Variants in AGAP1 observed in about 807,000 individuals in gnomAD.
AGAP1 encodes the protein arf-GAP with GTPase, ANK repeat and PH domain-containing protein 1.
A neutral mutation model predicts 105.3 loss-of-function variants in AGAP1; 29 were observed. The observed-to-expected ratio is 0.28, with a 90% CI of 0.21 to 0.38. The LOEUF (loss-of-function observed/expected upper bound fraction) is 0.38. AGAP1 is among the 10% of genes least tolerant of loss of function. AGAP1 has a pLI of 1.00. For synonymous variants in AGAP1, 509 were observed against 485.9 expected, an observed-to-expected ratio of 1.05 and a Z score of -0.63; for missense variants, 998 against 1,165.1, an observed-to-expected ratio of 0.86 and a Z score of 2.09.
chr2:235,857,432 C>A (rs894358124), intron 9 of AGAP1, among the ~76,000 whole-genome samples: 6 of 152,186 alleles, frequency 3.9e-5, no homozygotes, highest in African/African-American at 1.4e-4. Context: ...TGACGAGCGT[C>A]CCCAAGGAGA....
intron 9 of AGAP1, among the ~76,000 whole-genome samples, chr2:235,823,939 G>GC (rs1440601428): frequency 2.0e-5 from 3 of 152,156 alleles, no homozygotes; most frequent in Non-Finnish European, 2.9e-5. Context: ...AGATGAGAAA[G>GC]CTGAGGCTCG....
chr2:235,978,196 A>G (rs533644063), intron 13 of AGAP1, among the ~76,000 whole-genome samples: 1 of 152,192 alleles, frequency 6.6e-6, no homozygotes, highest in Non-Finnish European at 1.5e-5. Context: ...GAGCTACAAC[A>G]TGTGAATTTT....
In AGAP1 at chr2:236,090,537, A is replaced by T. The variant is rs1187996655; in HGVS notation, c.2115-29655A>T. Among the ~76,000 whole-genome samples the T allele has an allele frequency of 1.3e-5, 2 of 152,190 alleles. No homozygotes were observed. Among genetic ancestry groups the T allele is most frequent in the Non-Finnish European group, 2.9e-5 (2 of 68,034 alleles). ...ATGGAAAAGCAAACGGGCTTTGCCA[A>T]GCGAGTGAGAGGCGGGGGTCGGAGG... On this transcript the variant is annotated intron_variant, in intron 16 of 17. Coordinates refer to ENST00000304032, the MANE Select transcript of AGAP1 (RefSeq NM_001037131.3). This position sits in a 1 kb window ranked among gnomAD's most constrained non-coding sequence, Gnocchi z 4.3.
rs72985016 is a variant in AGAP1 at position 235,843,016 on chromosome 2, C to T, written c.1050+35685C>T. 5.3e-4 allele frequency among the ~76,000 whole-genome samples: 81 copies of T among 152,336 alleles called. No individual in the cohort carries two copies. Among genetic ancestry groups the T allele is most frequent in the South Asian group, 8.3e-4 (4 of 4,822 alleles). On this transcript the variant is annotated intron_variant, in intron 9 of 17. Transcript: ENST00000304032. This position sits in a 1 kb window ranked among gnomAD's most constrained non-coding sequence, Gnocchi z 5.9. The stretch of plus-strand genomic sequence containing the variant: ...TGCTGGAGTTACAGGCGTTAGCTGC[C>T]GTGCCCGGCCCGTGTGAGATTTGAT...
chr2:235,594,893 T>TG (rs1559275726), intron 1 of AGAP1, among the ~76,000 whole-genome samples: 1 of 150,956 alleles, frequency 6.6e-6, no homozygotes, highest in Non-Finnish European at 1.5e-5. Flanking sequence ...GTTTTTTTTT[T>TG]TTTTTTTTTT....
At position 235,877,955 on chromosome 2, in the gene AGAP1, C is replaced by T. The variant is rs2049826284; in HGVS notation, c.1051-5390C>T. Among the ~76,000 whole-genome samples the T allele has an allele frequency of 6.6e-6, 1 of 152,216 alleles. No homozygotes were observed. The highest frequency in any genetic ancestry group is 1.5e-5 in the Non-Finnish European group (1 of 68,030). On this transcript the variant is annotated intron_variant, in intron 9 of 17. Transcript: ENST00000304032. This position sits in a 1 kb window ranked among gnomAD's most constrained non-coding sequence, Gnocchi z 4.3. ...ATAACCCCTTCCTCCCTCCACCCTGCACACCTATGGCAGGGCCCAGACATT... is the reference window on the plus strand; with the variant it reads ...ATAACCCCTTCCTCCCTCCACCCTGTACACCTATGGCAGGGCCCAGACATT...
intron 9 of AGAP1, among the ~76,000 whole-genome samples, chr2:235,835,249 A>G (rs1423663036): frequency 6.6e-6 from 1 of 152,164 alleles, no homozygotes; most frequent in Non-Finnish European, 1.5e-5. Context: ...CATGGCCTGC[A>G]CCAAAATGTT....
chr2:235,767,748 T>A (rs1955083568), intron 6 of AGAP1, among the ~76,000 whole-genome samples: 1 of 151,440 alleles, frequency 6.6e-6, no homozygotes, highest in South Asian at 2.1e-4. Flanking sequence ...ATACCATTTA[T>A]CTTGGTATAG....
At chr2:235,903,527 G>T (rs1262867120) in intron 10 of AGAP1, among the ~76,000 whole-genome samples, 1 of 152,206 alleles carries the variant, frequency 6.6e-6, no homozygotes, top group Non-Finnish European at 1.5e-5. Context: ...CCGGATGTGA[G>T]GCAGTGAGAA....
At chr2:235,773,348 A>C (rs1002672246) in intron 6 of AGAP1, among the ~76,000 whole-genome samples, 2 of 152,222 alleles carry the variant, frequency 1.3e-5, no homozygotes, top group African/African-American at 4.8e-5. Context: ...GATTTGGCCT[A>C]CGGTCAGTCT....
rs139814050 is a variant in AGAP1 at position 235,735,161 on chromosome 2, T to C, written c.311-5802T>C. 2.3e-3 allele frequency among the ~76,000 whole-genome samples: 353 copies of C among 152,332 alleles called. 4 individuals carry two copies. Among genetic ancestry groups the C allele is most frequent in the East Asian group, 0.02 (104 of 5,178 alleles). On this transcript the variant is annotated intron_variant, in intron 3 of 17. Coordinates refer to ENST00000304032, the MANE Select transcript of AGAP1 (RefSeq NM_001037131.3). ...GGGAAAACAAGTGCTTTGTAGACGA[T>C]GGCGTTGGAAGGCACACTGTCGTTG...
In AGAP1 at chr2:236,050,818, G is replaced by A. The variant is rs2057874864; in HGVS notation, c.2114+1537G>A. 6.6e-6 allele frequency among the ~76,000 whole-genome samples: 1 copy of A among 152,106 alleles called. No homozygotes were observed. The highest frequency in any genetic ancestry group is 1.5e-5 in the Non-Finnish European group (1 of 68,022). On this transcript the variant is annotated intron_variant, in intron 16 of 17. Transcript: ENST00000304032. This position sits in a 1 kb window ranked among gnomAD's most constrained non-coding sequence, Gnocchi z 4.0. ...TTGTTTATCCATCCATTAAAATTTA[G>A]AAACCATTTGGAATTATTCGAAGCA...
At position 235,793,715 on chromosome 2, in the gene AGAP1, C is replaced by A. The variant is rs1221061235; in HGVS notation, c.674-4044C>A. The stretch of plus-strand genomic sequence containing the variant: ...GGTTATAGAGGGCGTGAGGTTGGCC[C>A]GGAGGCTCCTAGTGTGACCAAGGGC... On this transcript the variant is annotated intron_variant, in intron 6 of 17. Transcript: ENST00000304032. The surrounding 1 kb of genome is among the most constrained non-coding windows in gnomAD (Gnocchi z 5.3). Among the ~76,000 whole-genome samples the A allele has an allele frequency of 6.6e-6, 1 of 152,008 alleles. No individual in the cohort carries two copies. Among genetic ancestry groups the A allele is most frequent in the East Asian group, 1.9e-4 (1 of 5,182 alleles).
At position 235,753,198 on chromosome 2, in the gene AGAP1, G is replaced by A. The variant is rs1483014565; in HGVS notation, c.673+2710G>A. Among the ~76,000 whole-genome samples the A allele has an allele frequency of 1.3e-5, 2 of 152,180 alleles. No homozygotes were observed. The highest frequency in any genetic ancestry group is 4.8e-5 in the African/African-American group (2 of 41,424). On this transcript the variant is annotated intron_variant, in intron 6 of 17. Transcript: ENST00000304032. The surrounding 1 kb of genome is among the most constrained non-coding windows in gnomAD (Gnocchi z 4.5). ...GCAGCCACCCACCTCTGTGTTGGAA[G>A]CATTTCGTTTTCTTCAGGTTGGGGG...
chr2:235,683,130 A>AC (rs1206223893), intron 1 of AGAP1, among the ~76,000 whole-genome samples: 3 of 151,950 alleles, frequency 2.0e-5, no homozygotes, highest in Non-Finnish European at 2.9e-5. Context: ...ACATGGTGAA[A>AC]CCCCCATCTC....
chr2:235,641,427 C>T lies in AGAP1; in HGVS notation c.164-67752C>T, dbSNP rs553756063. ...TAAAAAGAAATGCCTCTCCTCTCCC[C>T]GACCCGATTTTTTTTTTTCTTTTTT... On this transcript the variant is annotated intron_variant, in intron 1 of 17. Coordinates refer to ENST00000304032, the MANE Select transcript of AGAP1 (RefSeq NM_001037131.3). Among the ~76,000 whole-genome samples the T allele has an allele frequency of 3.0e-4, 45 of 150,702 alleles. 1 individual carries two copies. The East Asian group carries it at 7.8e-3, about 26-fold the overall frequency.
intron 11 of AGAP1, among the ~76,000 whole-genome samples, chr2:235,921,490 T>G (rs542968935): frequency 1.6e-3 from 250 of 152,332 alleles, no homozygotes; most frequent in Non-Finnish European, 1.8e-3. Flanking sequence ...CATTATTTTT[T>G]TCCTTGACAT....
intron 1 of AGAP1, among the ~76,000 whole-genome samples, chr2:235,508,982 G>A (rs971918356): frequency 6.6e-6 from 1 of 152,196 alleles, no homozygotes; most frequent in African/African-American, 2.4e-5. Flanking sequence ...TTAGTCGGGG[G>A]CGTGGTGGTG....
intron 16 of AGAP1, among the ~76,000 whole-genome samples, chr2:236,066,821 C>G (rs1367693910): frequency 6.6e-6 from 1 of 152,144 alleles, no homozygotes. Flanking sequence ...TCTCCCTGTT[C>G]AGAAGCAGCC....
Sources: gnomAD v4.1 joint callset for allele counts (sites outside exome capture counted in the v4.1 genomes callset) on GRCh38, gnomAD v4.1.1 for gene constraint, Gnocchi (gnomAD v3.1) non-coding constraint, MANE v1.5 for transcripts, NCBI Gene and HGNC (gene_info 2026-07-23, HGNC 2026-07-21) for gene names.